PTPN3: variants seen among roughly 807,000 people sequenced by gnomAD.
PTPN3 encodes the protein tyrosine-protein phosphatase non-receptor type 3.
PTPN3 carries 96 observed loss-of-function variants against 132.7 expected under a neutral mutation model. The observed-to-expected ratio is 0.72, with a 90% CI of 0.61 to 0.86. The LOEUF (loss-of-function observed/expected upper bound fraction) is 0.86, where lower values mean the gene tolerates loss of function less well. Among genes scored for constraint, PTPN3 ranks in the 40% least tolerant of loss-of-function variants. The pLI is 0.00. For missense variants in PTPN3, 1,125 were observed against 1,159.6 expected (o/e 0.97, Z 0.43); for synonymous variants, 398 against 429.0 (o/e 0.93, Z 0.89).
At position 109,438,107 on chromosome 9, in the gene PTPN3, C is replaced by A; in HGVS notation, c.587+7G>T. 6.2e-7 allele frequency: 1 copy of A among 1,612,482 alleles called. No individual in the cohort carries two copies. The highest frequency in any genetic ancestry group is 8.5e-7 in the Non-Finnish European group (1 of 1,179,320). On this transcript the variant is annotated splice_region_variant and intron_variant, in intron 8 of 25. Transcript: ENST00000374541. ...TCCCCAAAGTAGGCCACCCCAGCCC[C>A]CCTCACCTGTGCTGCTCATGCAGAG...
At chr9:109,490,209 A>G (rs893523062) in intron 1 of PTPN3, among the ~76,000 whole-genome samples, 8 of 151,846 alleles carry the variant, frequency 5.3e-5, no homozygotes, top group African/African-American at 1.7e-4. Flanking sequence ...AAACAAAACA[A>G]AAAAAACCCC....
chr9:109,419,844 G>T (rs986197043), intron 14 of PTPN3, among the ~76,000 whole-genome samples: 1 of 151,972 alleles, frequency 6.6e-6, no homozygotes, highest in Non-Finnish European at 1.5e-5. Flanking sequence ...AGCTATGAGG[G>T]AACTCTGTCA....
chr9:109,494,374 G>A (rs889889926), intron 1 of PTPN3, among the ~76,000 whole-genome samples: 8 of 152,158 alleles, frequency 5.3e-5, no homozygotes, highest in African/African-American at 1.4e-4. Context: ...GTACAAGGAG[G>A]ACTGCTTGAG....
chr9:109,466,240 A>G (rs1846094436), intron 1 of PTPN3, among the ~76,000 whole-genome samples: 1 of 152,236 alleles, frequency 6.6e-6, no homozygotes, highest in Non-Finnish European at 1.5e-5. Flanking sequence ...GCTAAATTTT[A>G]TAGTCTATAT....
At chr9:109,381,942 G>C (rs1388595753) in intron 24 of PTPN3, among the ~76,000 whole-genome samples, 155 bp from the exon 25 acceptor site, 1 of 152,204 alleles carries the variant, frequency 6.6e-6, no homozygotes, top group African/African-American at 2.4e-5. Flanking sequence ...AACAGGCTGA[G>C]ACAGCCTGTC....
At position 109,420,421 on chromosome 9, in the gene PTPN3, T is replaced by TA. The variant is rs1179550894; in HGVS notation, c.1313+2dup. On this transcript the variant is annotated splice_region_variant and intron_variant, in intron 14 of 25. Transcript: ENST00000374541. Reference sequence around the variant, plus strand: ...CAGAAATAAAACAACACGAGTTTCTTACTCTTGGTGCGGGCTTCGGTTCTG... The same window carrying TA: ...CAGAAATAAAACAACACGAGTTTCTTAACTCTTGGTGCGGGCTTCGGTTCTG... 1 of 1,584,352 alleles carries TA rather than the reference T, an allele frequency of 6.3e-7. No homozygotes were observed. Among genetic ancestry groups the TA allele is most frequent in the Non-Finnish European group, 8.6e-7 (1 of 1,159,916 alleles).
chr9:109,422,929 T>C, intron 12 of PTPN3, 77 bp from the exon 13 acceptor site: 1 of 1,512,754 alleles, frequency 6.6e-7, no homozygotes, highest in Non-Finnish European at 9.1e-7. Flanking sequence ...TGAAACAGTC[T>C]ACACATGCTT....
intron 4 of PTPN3, among the ~76,000 whole-genome samples, chr9:109,455,104 A>G (rs1187902368): frequency 6.6e-6 from 1 of 152,208 alleles, no homozygotes; most frequent in Non-Finnish European, 1.5e-5. Context: ...GAGTAATGAG[A>G]TCTTTGATTC....
Position 109,457,173 on chromosome 9 carries a change from C to T in PTPN3, c.289G>A (p.Gly97Arg), listed in dbSNP as rs1418395124. 1 of 1,613,674 alleles carries T rather than the reference C, an allele frequency of 6.2e-7. No individual in the cohort carries two copies. The highest frequency in any genetic ancestry group is 1.3e-5 in the African/African-American group (1 of 74,922). ...ACTGAAATGAAAAGATCACACCAAC[C>T]TTTTAACTGCTTCCTGATGGCTTTG... ...ASKAIRKQLK[G>R]GFPCTLHFRV... is the part of the protein sequence containing the mutation. The change falls in exon 4 of 26, where the codon GGA becomes AGA. Residue 97 changes from glycine to arginine, a missense_variant and splice_region_variant. By Grantham distance (125) the Gly-to-Arg change is moderately radical. Transcript: ENST00000374541.
At chr9:109,441,898 T>C (rs1419945021) in intron 7 of PTPN3, among the ~76,000 whole-genome samples, 1 of 152,146 alleles carries the variant, frequency 6.6e-6, no homozygotes. Flanking sequence ...CAAACCACTA[T>C]GCCGGACTTT....
chr9:109,505,753 CTTTT>C, the PTPN3 span, among the ~76,000 whole-genome samples: 3 of 143,560 alleles, frequency 2.1e-5, no homozygotes, highest in Non-Finnish European at 4.6e-5. Context: ...ACATCAACTT[CTTTT>C]TTTTTTTTTT....
At position 109,381,679 on chromosome 9, in the gene PTPN3, G is replaced by C. The variant is rs1157069163; in HGVS notation, c.2637C>G (p.Asp879Glu). ...ATGTCTGCACCATCATGGCGCGCTG[G>C]TCTCGCATTTTTCGGACAATATCCA... ...YPLDIVRKMRDQRAMMVQTSS... is the reference protein window; with the variant it reads ...YPLDIVRKMREQRAMMVQTSS... Residue 879 changes from aspartate (D) to glutamate (E), a missense_variant, in exon 25 of 26, where the codon GAC becomes GAG. Asp to Glu is a conservative substitution (Grantham distance 45). Coordinates refer to ENST00000374541, the MANE Select transcript of PTPN3 (RefSeq NM_002829.4). 6.2e-7 allele frequency: 1 copy of C among 1,614,090 alleles called. No individual in the cohort carries two copies. Among genetic ancestry groups the C allele is most frequent in the Admixed American group, 1.7e-5 (1 of 60,006 alleles).
At position 109,436,972 on chromosome 9, in the gene PTPN3, T is replaced by A; in HGVS notation, c.588-2A>T. 6.2e-7 allele frequency: 1 copy of A among 1,613,700 alleles called. No homozygotes were observed. Among genetic ancestry groups the A allele is most frequent in the Non-Finnish European group, 8.5e-7 (1 of 1,179,918 alleles). On this transcript the variant is annotated splice_acceptor_variant, in intron 8 of 25. Transcript: ENST00000374541. LOFTEE classifies it high-confidence loss of function. ...TCTGCTTCTGATTGTTTTAGCCCACTACGGAAGAAAAGACAAAAAGCAGAG... is the reference window on the plus strand; with the variant it reads ...TCTGCTTCTGATTGTTTTAGCCCACAACGGAAGAAAAGACAAAAAGCAGAG...
intron 18 of PTPN3, among the ~76,000 whole-genome samples, chr9:109,405,201 A>T (rs1489626150): frequency 2.0e-5 from 3 of 152,180 alleles, no homozygotes; most frequent in Non-Finnish European, 4.4e-5. Flanking sequence ...AATACAGGTG[A>T]AAGCAAAGCT....
the PTPN3 span, among the ~76,000 whole-genome samples, chr9:109,520,576 T>A: frequency 6.6e-6 from 1 of 152,204 alleles, no homozygotes; most frequent in African/African-American, 2.4e-5. Flanking sequence ...GCTTCAACTG[T>A]TCCCTCATCT....
intron 19 of PTPN3, among the ~76,000 whole-genome samples, chr9:109,399,955 T>C (rs927348447): frequency 5.3e-5 from 8 of 151,634 alleles, no homozygotes; most frequent in Admixed American, 3.3e-4. Flanking sequence ...TTTTTTTTTT[T>C]TTTTAGCTGT....
At chr9:109,454,213 G>A (rs1282294147) in intron 5 of PTPN3, among the ~76,000 whole-genome samples, 2 of 152,102 alleles carry the variant, frequency 1.3e-5, no homozygotes, top group African/African-American at 2.4e-5. Context: ...AGGCAGGAGA[G>A]GCCAGGGAGG....
intron 1 of PTPN3, among the ~76,000 whole-genome samples, chr9:109,465,948 C>G (rs1846082157): frequency 6.6e-6 from 1 of 152,076 alleles, no homozygotes; most frequent in African/African-American, 2.4e-5. Context: ...ATCTGATTAA[C>G]TCCAGTTCAT....
At chr9:109,453,835 C>T (rs1345317510) in intron 5 of PTPN3, among the ~76,000 whole-genome samples, 1 of 129,464 alleles carries the variant, frequency 7.7e-6, no homozygotes, top group Non-Finnish European at 1.6e-5. Context: ...CATGGAAACC[C>T]CATCTCCGTT....
Sources: allele counts gnomAD v4.1 joint callset (sites outside exome capture counted in the v4.1 genomes callset), GRCh38; gene constraint gnomAD v4.1.1; transcripts MANE v1.5; gene names NCBI Gene and HGNC (gene_info 2026-07-23, HGNC 2026-07-21).